SLC2A13: variants seen among roughly 807,000 people sequenced by gnomAD.
The protein encoded by SLC2A13 is solute carrier family 2 member 13.
SLC2A13 carries 32 observed loss-of-function variants against 64.4 expected under a neutral mutation model. That is an observed-to-expected ratio of 0.50 (90% CI 0.37 to 0.67). The LOEUF (loss-of-function observed/expected upper bound fraction) is 0.67, where lower values mean the gene tolerates loss of function less well. SLC2A13 is among the 30% of genes least tolerant of loss of function. The pLI is 0.00. For synonymous variants in SLC2A13, 338 were observed against 327.1 expected (o/e 1.03, Z -0.36); for missense variants, 743 against 829.2 (o/e 0.90, Z 1.28).
At chr12:39,829,179 T>C (rs952144673) in intron 7 of SLC2A13, among the ~76,000 whole-genome samples, 3 of 152,032 alleles carry the variant, frequency 2.0e-5, no homozygotes, top group Non-Finnish European at 4.4e-5. Flanking sequence ...AAATGTTAGT[T>C]CATAAATCTG....
intron 3 of SLC2A13, among the ~76,000 whole-genome samples, chr12:39,968,141 T>C (rs890118087): frequency 2.0e-5 from 3 of 152,284 alleles, no homozygotes. Flanking sequence ...GGATTCACCA[T>C]TCAGCATGGT....
intron 7 of SLC2A13, among the ~76,000 whole-genome samples, chr12:39,810,038 G>C (rs1182706923): frequency 1.3e-5 from 2 of 152,074 alleles, no homozygotes; most frequent in Non-Finnish European, 2.9e-5. Context: ...GGGATGGCTG[G>C]GGCAAATGGT....
At chr12:40,071,913 C>A (rs1323368574) in intron 1 of SLC2A13, among the ~76,000 whole-genome samples, 1 of 152,006 alleles carries the variant, frequency 6.6e-6, no homozygotes, top group Non-Finnish European at 1.5e-5. Context: ...TTCCTGTTTC[C>A]AATTTCATTT....
intron 6 of SLC2A13, among the ~76,000 whole-genome samples, chr12:39,834,658 G>A (rs1942958511): frequency 6.6e-6 from 1 of 152,018 alleles, no homozygotes; most frequent in Non-Finnish European, 1.5e-5. Flanking sequence ...ATTCCAAGGA[G>A]TGGGGCTCGG....
At chr12:39,881,968 T>G (rs1944346961) in intron 4 of SLC2A13, among the ~76,000 whole-genome samples, 1 of 152,162 alleles carries the variant, frequency 6.6e-6, no homozygotes, top group Admixed American at 6.5e-5. Context: ...GAGTCTCTTT[T>G]AACTGCTCTA....
intron 6 of SLC2A13, among the ~76,000 whole-genome samples, chr12:39,862,951 C>T (rs1472932858): frequency 6.6e-6 from 1 of 152,056 alleles, no homozygotes; most frequent in Non-Finnish European, 1.5e-5. Context: ...TGGTTTTAAC[C>T]ATAAAAACCC....
intron 6 of SLC2A13, among the ~76,000 whole-genome samples, chr12:39,856,983 T>G (rs1270850598): frequency 5.9e-5 from 9 of 152,246 alleles, no homozygotes; most frequent in Non-Finnish European, 1.2e-4. Context: ...CAGTCCTGGA[T>G]AGTTTATTTC....
intron 6 of SLC2A13, among the ~76,000 whole-genome samples, chr12:39,862,110 A>C (rs1412292290): frequency 2.0e-5 from 3 of 152,146 alleles, no homozygotes; most frequent in African/African-American, 7.2e-5. Context: ...GTTCTGAAAG[A>C]CATTCTTTAA....
intron 2 of SLC2A13, among the ~76,000 whole-genome samples, chr12:40,036,088 A>G (rs1312233152): frequency 6.6e-6 from 1 of 152,162 alleles, no homozygotes; most frequent in Non-Finnish European, 1.5e-5. Context: ...GTAATGATCA[A>G]CAGACATCCC....
At chr12:39,915,595 C>G (rs10877779) in intron 4 of SLC2A13, among the ~76,000 whole-genome samples, 14,442 of 151,758 alleles carry the variant, frequency 0.095, 827 homozygotes, top group Middle Eastern at 0.13. Context: ...GAGTAAAAGA[C>G]TTGACATTTA....
In SLC2A13 at chr12:39,756,025, C is replaced by A. The variant is rs899972417; in HGVS notation, c.*4001G>T. On this transcript the variant is annotated 3_prime_UTR_variant, in exon 10 of 10. Coordinates refer to ENST00000280871, the MANE Select transcript of SLC2A13 (RefSeq NM_052885.4). ...ATTGCTATTTCTAGAAAAATAGCAG[C>A]AGTATTGCTCACCTAGAAGAGCTGA... 5 of 151,848 alleles carry A rather than the reference C, an allele frequency of 3.3e-5. No individual in the cohort carries two copies. The highest frequency in any genetic ancestry group is 5.9e-5 in the Non-Finnish European group (4 of 67,756). The allele number at this position is 151,848 out of a possible 1,614,324, so 9.4% of individuals were successfully genotyped here.
intron 6 of SLC2A13, among the ~76,000 whole-genome samples, chr12:39,849,381 C>T (rs1019763120): frequency 1.3e-5 from 2 of 152,110 alleles, no homozygotes; most frequent in Non-Finnish European, 2.9e-5. Context: ...GTTAATGCTT[C>T]ATCCCATTAA....
At chr12:40,032,285 G>A (rs925708014) in intron 2 of SLC2A13, among the ~76,000 whole-genome samples, 3 of 152,250 alleles carry the variant, frequency 2.0e-5, no homozygotes, top group East Asian at 1.9e-4. Flanking sequence ...TACCTTCTAC[G>A]GACAAGCAAG....
At chr12:39,992,606 T>C (rs1332725395) in intron 3 of SLC2A13, among the ~76,000 whole-genome samples, 1 of 152,092 alleles carries the variant, frequency 6.6e-6, no homozygotes, top group East Asian at 1.9e-4. Context: ...GCCGTGACAG[T>C]TAAAAATGAA....
intron 6 of SLC2A13, among the ~76,000 whole-genome samples, chr12:39,846,771 C>T (rs1403235111): frequency 6.6e-6 from 1 of 152,116 alleles, no homozygotes; most frequent in African/African-American, 2.4e-5. Flanking sequence ...TTGTTTAAGC[C>T]TCAGTGTCAC....
At position 39,797,740 on chromosome 12, in the gene SLC2A13, A is replaced by ATACG. The variant is rs1555237481; in HGVS notation, c.1445+32362_1445+32363insCGTA. 4.6e-5 allele frequency among the ~76,000 whole-genome samples: 6 copies of ATACG among 131,462 alleles called. No homozygotes were observed. In the South Asian group the frequency reaches 7.7e-4, roughly 17 times the overall value. The allele number at this position is 131,462 out of a possible 152,430, so 86.2% of individuals were successfully genotyped here. ...CCAGTTATGGTAAACACACACACAC[A>ATACG]CACACACACACACACACACACACAC... On this transcript the variant is annotated intron_variant, in intron 7 of 9. Transcript: ENST00000280871.
intron 6 of SLC2A13, among the ~76,000 whole-genome samples, chr12:39,848,453 C>T (rs769014312): frequency 6.6e-6 from 1 of 152,046 alleles, no homozygotes; most frequent in Non-Finnish European, 1.5e-5. Context: ...TAGAGAAATG[C>T]AAATCAAAAC....
At chr12:39,970,449 T>C (rs920855715) in intron 3 of SLC2A13, among the ~76,000 whole-genome samples, 3 of 152,224 alleles carry the variant, frequency 2.0e-5, no homozygotes, top group African/African-American at 4.8e-5. Context: ...CCTTAGATGA[T>C]TCTTTTTTAA....
intron 4 of SLC2A13, among the ~76,000 whole-genome samples, chr12:39,933,801 C>T (rs768109995): frequency 3.3e-5 from 5 of 152,130 alleles, no homozygotes; most frequent in Non-Finnish European, 7.3e-5. Context: ...ATAGTAGTAT[C>T]ACTCACTGAG....
Sources: gnomAD v4.1 joint callset for allele counts (sites outside exome capture counted in the v4.1 genomes callset) on GRCh38, gnomAD v4.1.1 for gene constraint, MANE v1.5 for transcripts, NCBI Gene and HGNC (gene_info 2026-07-23, HGNC 2026-07-21) for gene names.